RGS7: variants seen among roughly 807,000 people sequenced by gnomAD.
RGS7 encodes regulator of G protein signaling 7, also known as regulator of G-protein signaling 7.
RGS7 carries 27 observed loss-of-function variants against 81.1 expected under a neutral mutation model. That is an observed-to-expected ratio of 0.33 (90% CI 0.25 to 0.46). The LOEUF is 0.46. Among genes scored for constraint, RGS7 ranks in the 20% least tolerant of loss-of-function variants. RGS7 has a pLI of 1.00. For missense variants in RGS7, 396 were observed against 607.4 expected (o/e 0.65, Z 3.66); for synonymous variants, 208 against 207.7 (o/e 1.00, Z -0.01).
intron 2 of RGS7, among the ~76,000 whole-genome samples, chr1:241,266,418 G>A (rs894210190): frequency 5.9e-5 from 9 of 152,232 alleles, no homozygotes; most frequent in Non-Finnish European, 8.8e-5. Context: ...CATGGAGTTC[G>A]GTATTGCCAA....
chr1:240,959,301 T>G (rs895995109), intron 4 of RGS7, among the ~76,000 whole-genome samples: 1 of 152,152 alleles, frequency 6.6e-6, no homozygotes, highest in African/African-American at 2.4e-5. Context: ...CTTCGGTGAT[T>G]TCATCATTGT....
intron 4 of RGS7, among the ~76,000 whole-genome samples, chr1:240,957,222 T>C (rs1292397546): frequency 6.6e-6 from 1 of 152,168 alleles, no homozygotes; most frequent in Admixed American, 6.5e-5. Context: ...GGCCTCCATC[T>C]TTCTCCCACG....
rs563867704 is a variant in RGS7 at position 240,937,755 on chromosome 1, G to A, written c.227-1049C>T. On this transcript the variant is annotated intron_variant, in intron 4 of 18. Transcript: ENST00000440928. The stretch of plus-strand genomic sequence containing the variant: ...ATGATATGGACCATTATTTTGTGAT[G>A]CTATGAGGGAATGTTAAGGCATCAA... 2.0e-5 allele frequency among the ~76,000 whole-genome samples: 3 copies of A among 152,252 alleles called. No homozygotes were observed. The South Asian group carries it at 6.2e-4, about 32-fold the overall frequency.
chr1:240,932,723 T>C (rs953595982), intron 5 of RGS7, among the ~76,000 whole-genome samples: 2 of 150,846 alleles, frequency 1.3e-5, no homozygotes, highest in African/African-American at 2.4e-5. Flanking sequence ...TTAGCCAGGA[T>C]GGTCTCGATC....
intron 3 of RGS7, among the ~76,000 whole-genome samples, chr1:240,999,181 T>C (rs1687759448): frequency 6.6e-6 from 1 of 151,988 alleles, no homozygotes; most frequent in African/African-American, 2.4e-5. Context: ...ATTTCTTTGC[T>C]GAGAATTTCA....
In RGS7 at chr1:240,806,323, G is replaced by C; in HGVS notation, c.1086C>G (p.Phe362Leu). 1 of 1,613,728 alleles carries C rather than the reference G, an allele frequency of 6.2e-7. No homozygotes were observed. The highest frequency in any genetic ancestry group is 8.5e-7 in the Non-Finnish European group (1 of 1,179,782). Residue 362 changes from phenylalanine to leucine, a missense_variant, in exon 15 of 19, where the codon TTC (phenylalanine) becomes TTG (leucine). Phe to Leu is a conservative substitution (Grantham distance 22). Transcript: ENST00000440928. ...ESEFSSENLR[F>L]WLAVEDLKKR... ...TTTTCAGGTCCTCCACTGCCAGCCA[G>C]AATCTATGCAGAATGTGAGATCGGG...
At chr1:241,301,111 A>G (rs2079727251) in intron 2 of RGS7, among the ~76,000 whole-genome samples, 1 of 152,218 alleles carries the variant, frequency 6.6e-6, no homozygotes, top group Non-Finnish European at 1.5e-5. Flanking sequence ...AACAGAATAA[A>G]AACAAGGTCT....
chr1:240,787,016 A>G lies in RGS7; in HGVS notation c.*7-10803T>C, dbSNP rs553153128. On this transcript the variant is annotated intron_variant, in intron 18 of 18. Coordinates refer to ENST00000440928, the MANE Select transcript of RGS7 (RefSeq NM_001364886.1). ...CTTCTGGCACATTCTGTCAAATTCT[A>G]TTCGACAAAAGTGATAGCAATTCAG... is the stretch of plus-strand genomic sequence containing the variant. Among the ~76,000 whole-genome samples, 5 of 152,292 alleles carry G rather than the reference A, an allele frequency of 3.3e-5. No individual in the cohort carries two copies. In the South Asian group the frequency reaches 1.0e-3, roughly 32 times the overall value.
chr1:241,306,478 ACACACG>A (rs1310125274), intron 2 of RGS7, among the ~76,000 whole-genome samples: 6 of 149,782 alleles, frequency 4.0e-5, no homozygotes, highest in Non-Finnish European at 8.9e-5. Flanking sequence ...CCACTCACAC[ACACACG>A]CACACATTGT....
intron 2 of RGS7, among the ~76,000 whole-genome samples, chr1:241,124,081 G>A (rs1314608325): frequency 1.3e-5 from 2 of 152,166 alleles, no homozygotes; most frequent in Non-Finnish European, 2.9e-5. Context: ...CCAGGGATGT[G>A]CTTAGAGAGT....
Position 240,936,672 on chromosome 1 carries a change from G to A in RGS7, c.261C>T (p.Ala87=), listed in dbSNP as rs767588994. Residue 87 remains alanine, a synonymous_variant, in exon 5 of 19, where the codon GCC becomes GCT. Transcript: ENST00000440928. ...CTGAGATTGGAAAGAAGTAGCCGTG[G>A]GCAGCCATTAATGTTCCCAAATGGA... ...EALHLGTLMA[A]HGYFFPISDH... The A allele has an allele frequency of 2.5e-6, 4 of 1,613,986 alleles. No individual in the cohort carries two copies. The highest frequency in any genetic ancestry group is 3.3e-5 in the Admixed American group (2 of 60,010).
At chr1:241,029,421 A>T (rs1186739946) in intron 3 of RGS7, among the ~76,000 whole-genome samples, 2 of 152,204 alleles carry the variant, frequency 1.3e-5, no homozygotes, top group Non-Finnish European at 2.9e-5. Context: ...GTTTGGAATC[A>T]TGGTTATAGA....
intron 2 of RGS7, among the ~76,000 whole-genome samples, chr1:241,353,587 TTAC>T (rs2083379974): frequency 6.6e-6 from 1 of 151,980 alleles, no homozygotes; most frequent in East Asian, 1.9e-4. Context: ...CTGAAAGGAG[TTAC>T]TTTTTCCAAT....
chr1:240,777,527 G>T (rs887035496), intron 18 of RGS7, among the ~76,000 whole-genome samples: 4 of 152,126 alleles, frequency 2.6e-5, no homozygotes, highest in Admixed American at 2.6e-4. Flanking sequence ...AGGGGTCAGC[G>T]GTGATGGGAG....
At chr1:241,077,212 A>T (rs1378480664) in intron 3 of RGS7, among the ~76,000 whole-genome samples, 1 of 152,228 alleles carries the variant, frequency 6.6e-6, no homozygotes, top group Non-Finnish European at 1.5e-5. Context: ...ACAAAATGTG[A>T]CAAAAGGAAG....
chr1:241,317,891 T>C (rs1219275038), intron 2 of RGS7, among the ~76,000 whole-genome samples: 1 of 152,172 alleles, frequency 6.6e-6, no homozygotes, highest in Non-Finnish European at 1.5e-5. Context: ...CATTTGGCAG[T>C]AAACACTGAA....
chr1:241,071,886 A>AAAAAAAAAAAAC (rs2062483835), intron 3 of RGS7, among the ~76,000 whole-genome samples: 1 of 149,906 alleles, frequency 6.7e-6, no homozygotes, highest in Non-Finnish European at 1.5e-5. Flanking sequence ...AAAAAAAAAA[A>AAAAAAAAAAAAC]AAAAAAAAAC....
At chr1:240,986,991 C>A (rs1369079175) in intron 3 of RGS7, among the ~76,000 whole-genome samples, 1 of 152,194 alleles carries the variant, frequency 6.6e-6, no homozygotes, top group African/African-American at 2.4e-5. Flanking sequence ...ACCTGTGCCC[C>A]CTGCAGAGTG....
chr1:241,060,471 C>G (rs1055129663), intron 3 of RGS7, among the ~76,000 whole-genome samples: 2 of 151,840 alleles, frequency 1.3e-5, no homozygotes, highest in East Asian at 3.9e-4. Flanking sequence ...TTTTTTTTCT[C>G]CCCCCAACTT....
Sources: allele counts gnomAD v4.1 joint callset (sites outside exome capture counted in the v4.1 genomes callset), GRCh38; gene constraint gnomAD v4.1.1; transcripts MANE v1.5; gene names NCBI Gene and HGNC (gene_info 2026-07-23, HGNC 2026-07-21).